The following KIAA1217 variants were observed in gnomAD, a reference collection of about 807,000 sequenced individuals.
KIAA1217 encodes the protein sickle tail protein homolog.
A neutral mutation model predicts 163.9 loss-of-function variants in KIAA1217; 88 were observed. That is an observed-to-expected ratio of 0.54 (90% CI 0.45 to 0.64). The LOEUF (loss-of-function observed/expected upper bound fraction) is 0.64, where lower values mean the gene tolerates loss of function less well. Among genes scored for constraint, KIAA1217 ranks in the 30% least tolerant of loss-of-function variants. The pLI is 0.00. For synonymous variants in KIAA1217, 903 were observed against 923.1 expected (o/e 0.98, Z 0.39); for missense variants, 2,372 against 2,475.0 (o/e 0.96, Z 0.88).
At chr10:24,184,890 G>C (rs2066348055) in intron 2 of KIAA1217, among the ~76,000 whole-genome samples, 1 of 152,148 alleles carries the variant, frequency 6.6e-6, no homozygotes, top group South Asian at 2.1e-4. Context: ...GGTTGGTACA[G>C]GGACACAAAA....
intron 1 of KIAA1217, among the ~76,000 whole-genome samples, chr10:23,740,713 CA>C (rs1839059503): frequency 6.6e-6 from 1 of 151,934 alleles, no homozygotes; most frequent in South Asian, 2.1e-4. Flanking sequence ...CAGAGGACCC[CA>C]TCTCATCCTT....
At chr10:24,298,814 TAAATA>T (rs981729262) in intron 2 of KIAA1217, among the ~76,000 whole-genome samples, 3 of 151,652 alleles carry the variant, frequency 2.0e-5, no homozygotes, top group East Asian at 1.9e-4. Flanking sequence ...AAAAAATAAA[TAAATA>T]AAATAAAATA....
chr10:23,849,420 T>C (rs1211450625), intron 1 of KIAA1217, among the ~76,000 whole-genome samples: 1 of 152,056 alleles, frequency 6.6e-6, no homozygotes, highest in Non-Finnish European at 1.5e-5. Context: ...TAGATCTGTG[T>C]TGAAATAAGG....
At chr10:23,810,766 A>T (rs1405871431) in intron 1 of KIAA1217, among the ~76,000 whole-genome samples, 1 of 126,112 alleles carries the variant, frequency 7.9e-6, no homozygotes, top group Non-Finnish European at 1.6e-5. Flanking sequence ...GTATTATATA[A>T]CTATATATAC....
At chr10:24,151,143 C>A (rs1254128977) in intron 2 of KIAA1217, among the ~76,000 whole-genome samples, 2 of 151,974 alleles carry the variant, frequency 1.3e-5, no homozygotes, top group African/African-American at 4.8e-5. Flanking sequence ...CCAATTGCTG[C>A]AAGTAAGTAT....
At chr10:24,069,286 C>T (rs1007302762) in intron 2 of KIAA1217, among the ~76,000 whole-genome samples, 2 of 152,198 alleles carry the variant, frequency 1.3e-5, no homozygotes, top group African/African-American at 4.8e-5. Flanking sequence ...CAACTCTTTT[C>T]TCTCCAGGGA....
chr10:24,114,053 C>T (rs953379627), intron 2 of KIAA1217, among the ~76,000 whole-genome samples: 10 of 152,150 alleles, frequency 6.6e-5, no homozygotes, highest in African/African-American at 1.9e-4. Flanking sequence ...TAATCTACAT[C>T]GGCAAAAGGG....
chr10:23,716,123 C>G (rs961707656), intron 1 of KIAA1217, among the ~76,000 whole-genome samples: 2 of 152,130 alleles, frequency 1.3e-5, no homozygotes, highest in Non-Finnish European at 2.9e-5. Context: ...TACGTACATA[C>G]TTCCATGAGA....
chr10:24,115,840 G>C (rs1263041172), intron 2 of KIAA1217, among the ~76,000 whole-genome samples: 2 of 152,112 alleles, frequency 1.3e-5, no homozygotes, highest in Non-Finnish European at 2.9e-5. Flanking sequence ...AACAACCCAG[G>C]GAACAAATCA....
intron 2 of KIAA1217, chr10:24,368,923 A>C (rs2051173378): frequency 3.4e-6 from 3 of 874,870 alleles, no homozygotes; most frequent in African/African-American, 1.8e-5. Context: ...ATTACTTCTC[A>C]CTTTATCAAG....
At chr10:23,771,504 G>A (rs1357338919) in intron 1 of KIAA1217, among the ~76,000 whole-genome samples, 1 of 152,136 alleles carries the variant, frequency 6.6e-6, no homozygotes, top group Non-Finnish European at 1.5e-5. Context: ...GCTATTTTGT[G>A]ATGTTTATAT....
intron 1 of KIAA1217, among the ~76,000 whole-genome samples, chr10:23,790,496 C>CATATATACAT: frequency 1.1e-5 from 1 of 90,952 alleles, no homozygotes; most frequent in Non-Finnish European, 1.9e-5. Context: ...TACATATATA[C>CATATATACAT]ATGTGCATAT....
chr10:24,358,852 C>CAT (rs2049488246), intron 2 of KIAA1217, among the ~76,000 whole-genome samples: 1 of 152,140 alleles, frequency 6.6e-6, no homozygotes, highest in Non-Finnish European at 1.5e-5. Context: ...CCATTGTATG[C>CAT]ATATATATAC....
At chr10:24,333,513 A>G (rs1411515996) in intron 2 of KIAA1217, among the ~76,000 whole-genome samples, 2 of 152,164 alleles carry the variant, frequency 1.3e-5, no homozygotes, top group Non-Finnish European at 2.9e-5. Flanking sequence ...AGATTTGGGT[A>G]TGAGATCCCA....
At chr10:24,267,150 G>A (rs187259579) in intron 2 of KIAA1217, among the ~76,000 whole-genome samples, 22 of 152,266 alleles carry the variant, frequency 1.4e-4, no homozygotes, top group Non-Finnish European at 2.9e-5. Flanking sequence ...TAATAACGAG[G>A]TTGAATTATT....
chr10:24,312,110 A>G (rs2042774999), intron 2 of KIAA1217, among the ~76,000 whole-genome samples: 1 of 152,172 alleles, frequency 6.6e-6, no homozygotes, highest in Non-Finnish European at 1.5e-5. Context: ...TTCCTCCTTC[A>G]GAGGAGGTGC....
chr10:23,972,622 G>T (rs1243358755), intron 1 of KIAA1217, among the ~76,000 whole-genome samples: 1 of 149,134 alleles, frequency 6.7e-6, no homozygotes, highest in Non-Finnish European at 1.5e-5. Flanking sequence ...GAATTGAAAA[G>T]GTTCTCTTTG....
At chr10:23,742,603 A>G (rs904201245) in intron 1 of KIAA1217, among the ~76,000 whole-genome samples, 7 of 152,130 alleles carry the variant, frequency 4.6e-5, no homozygotes, top group African/African-American at 1.4e-4. Context: ...ACACACTTTT[A>G]AAGCAGTCAC....
chr10:24,326,250 T>C (rs962660138), intron 2 of KIAA1217, among the ~76,000 whole-genome samples: 3 of 152,174 alleles, frequency 2.0e-5, no homozygotes, highest in South Asian at 4.1e-4. Flanking sequence ...ATTTTAATCA[T>C]TGTCTCTCCT....
Sources: allele counts gnomAD v4.1 joint callset (sites outside exome capture counted in the v4.1 genomes callset), GRCh38; gene constraint gnomAD v4.1.1; transcripts MANE v1.5; gene names NCBI Gene and HGNC (gene_info 2026-07-23, HGNC 2026-07-21).